The following CACNA1C variants were observed in gnomAD, a reference collection of about 807,000 sequenced individuals.
CACNA1C encodes calcium voltage-gated channel subunit alpha1 C, also known as voltage-dependent L-type calcium channel subunit alpha-1C.
CACNA1C carries 30 observed loss-of-function variants against 229.0 expected under a neutral mutation model. The ratio of observed to expected loss-of-function variants is 0.13; its 90% confidence interval spans 0.10 to 0.18. CACNA1C has a LOEUF of 0.18. Ranked by LOEUF, CACNA1C falls within the 10% of genes least tolerant of loss-of-function variation. The probability of loss-of-function intolerance (pLI) is 1.00; values close to 1 mark genes in which losing one functional copy is unlikely to be tolerated. For missense variants in CACNA1C, 1,658 were observed against 2,845.0 expected (o/e 0.58, Z 9.49); for synonymous variants, 1,114 against 1,132.5 (o/e 0.98, Z 0.33).
rs531485158 is a variant in CACNA1C at position 2,279,027 on chromosome 12, G to A, written c.477+158597G>A. On this transcript the variant is annotated intron_variant, in intron 3 of 46. Transcript: ENST00000399655. ...TCTTTCCTGTGGTTATTGGCCACTC[G>A]TATATTTTTTGGTGAAGTATCTGTT... 3.9e-5 allele frequency among the ~76,000 whole-genome samples: 6 copies of A among 152,240 alleles called. No individual in the cohort carries two copies. The East Asian group carries it at 5.8e-4, about 15-fold the overall frequency.
intron 3 of CACNA1C, among the ~76,000 whole-genome samples, chr12:2,304,391 G>GACAGCAGCA (rs2094839243): frequency 6.6e-6 from 1 of 152,178 alleles, no homozygotes; most frequent in Admixed American, 6.5e-5. Flanking sequence ...TCACAGCAGC[G>GACAGCAGCA]ACAGCAGCAA....
In CACNA1C at chr12:2,585,645, G is replaced by C; in HGVS notation, c.2460+149G>C. Reference sequence around the variant, plus strand: ...CAGTGGGGATGAACAGGAGAGCTGGGAGGGGGAAGATAAGGCAGATTGGCT... The same window carrying C: ...CAGTGGGGATGAACAGGAGAGCTGGCAGGGGGAAGATAAGGCAGATTGGCT... On this transcript the variant is annotated intron_variant, in intron 17 of 46. Coordinates refer to ENST00000399655, the MANE Select transcript of CACNA1C (RefSeq NM_000719.7). This position sits in a 1 kb window ranked among gnomAD's most constrained non-coding sequence, Gnocchi z 4.1. 1.9e-6 allele frequency: 2 copies of C among 1,062,808 alleles called. No individual in the cohort carries two copies. Among genetic ancestry groups the C allele is most frequent in the Non-Finnish European group, 2.7e-6 (2 of 735,474 alleles). 65.8% of individuals were successfully genotyped at this position (1,062,808 alleles called of 1,614,324 possible).
At chr12:2,021,964 G>C (rs1419870604) in intron 1 of CACNA1C, among the ~76,000 whole-genome samples, 1 of 152,154 alleles carries the variant, frequency 6.6e-6, no homozygotes, top group African/African-American at 2.4e-5. Context: ...AGTACAGCAG[G>C]TCTTTGAATA....
intron 3 of CACNA1C, among the ~76,000 whole-genome samples, chr12:2,442,032 G>GA (rs2099233332): frequency 6.6e-6 from 1 of 152,174 alleles, no homozygotes; most frequent in African/African-American, 2.4e-5. Context: ...AATAGACCCA[G>GA]AGAAGTAGAG....
Position 2,678,911 on chromosome 12 carries a change from C to T in CACNA1C, c.5092-533C>T, listed in dbSNP as rs1161461237. Reference sequence around the variant, plus strand: ...CTGGTTTTAAATCTCTCTGAGTCCCCGAGGGGAAAAAGACCATCATGCAGG... The same window carrying T: ...CTGGTTTTAAATCTCTCTGAGTCCCTGAGGGGAAAAAGACCATCATGCAGG... On this transcript the variant is annotated intron_variant, in intron 41 of 46. Transcript: ENST00000399655. The surrounding 1 kb of genome is among the most constrained non-coding windows in gnomAD (Gnocchi z 4.1). 1.3e-5 allele frequency among the ~76,000 whole-genome samples: 2 copies of T among 152,194 alleles called. No homozygotes were observed. The highest frequency in any genetic ancestry group is 6.5e-5 in the Admixed American group (1 of 15,286).
intron 34 of CACNA1C, among the ~76,000 whole-genome samples, chr12:2,662,717 C>T (rs1159175938): frequency 1.3e-5 from 2 of 152,212 alleles, no homozygotes; most frequent in Non-Finnish European, 2.9e-5. Flanking sequence ...GACTCCTGCA[C>T]TGTGAGAGGG....
chr12:2,407,165 C>T (rs566567426), intron 3 of CACNA1C, among the ~76,000 whole-genome samples: 19 of 152,314 alleles, frequency 1.2e-4, no homozygotes, highest in African/African-American at 3.8e-4. Flanking sequence ...AATGTCCTGG[C>T]GCTCCCTTAG....
chr12:2,542,281 A>G (rs2099872429), intron 9 of CACNA1C, among the ~76,000 whole-genome samples: 1 of 152,210 alleles, frequency 6.6e-6, no homozygotes, highest in Non-Finnish European at 1.5e-5. Context: ...AATGAGACCC[A>G]ATTTCTTTTT....
At chr12:2,490,586 G>A (rs1414913286) in intron 6 of CACNA1C, among the ~76,000 whole-genome samples, 1 of 152,170 alleles carries the variant, frequency 6.6e-6, no homozygotes, top group Non-Finnish European at 1.5e-5. Flanking sequence ...CATAATTAAT[G>A]ATCTAATTGG....
intron 9 of CACNA1C, among the ~76,000 whole-genome samples, chr12:2,541,710 A>G (rs1442300942): frequency 6.6e-6 from 1 of 152,216 alleles, no homozygotes; most frequent in Non-Finnish European, 1.5e-5. Flanking sequence ...GTTCCGGAAT[A>G]CACACTGGGC....
chr12:2,490,056 T>A (rs2099711744), intron 6 of CACNA1C, among the ~76,000 whole-genome samples: 1 of 152,262 alleles, frequency 6.6e-6, no homozygotes, highest in Non-Finnish European at 1.5e-5. Context: ...CTTTAGCGCT[T>A]TTTATAGATA....
intron 3 of CACNA1C, among the ~76,000 whole-genome samples, chr12:2,446,847 A>AATGG (rs2099297581): frequency 7.0e-6 from 1 of 142,206 alleles, no homozygotes; most frequent in African/African-American, 2.6e-5. Flanking sequence ...TGGATGGATG[A>AATGG]ATGGATGAAT....
intron 1 of CACNA1C, among the ~76,000 whole-genome samples, chr12:2,097,814 G>A (rs998396809): frequency 6.6e-6 from 1 of 152,222 alleles, no homozygotes; most frequent in African/African-American, 2.4e-5. Flanking sequence ...CGGGGTGGCT[G>A]CTGGGCTGCA....
chr12:2,667,441 G>A (rs887827023), intron 37 of CACNA1C, among the ~76,000 whole-genome samples: 11 of 152,176 alleles, frequency 7.2e-5, no homozygotes, highest in South Asian at 6.2e-4. Context: ...ATCCACTCAT[G>A]GAAAACGCAG....
intron 3 of CACNA1C, among the ~76,000 whole-genome samples, chr12:2,154,721 C>T (rs906909251): frequency 3.9e-5 from 6 of 152,314 alleles, no homozygotes; most frequent in African/African-American, 4.8e-5. Context: ...CTGCTGCCTA[C>T]GCTGCCTCCT....
At chr12:2,057,026 C>T (rs2055261696) in intron 1 of CACNA1C, among the ~76,000 whole-genome samples, 1 of 152,170 alleles carries the variant, frequency 6.6e-6, no homozygotes, top group South Asian at 2.1e-4. Flanking sequence ...ATTTCTTCTT[C>T]ATAGTAAAGG....
intron 3 of CACNA1C, among the ~76,000 whole-genome samples, chr12:2,230,692 C>T (rs918956995): frequency 1.3e-5 from 2 of 152,308 alleles, no homozygotes; most frequent in East Asian, 1.9e-4. Flanking sequence ...TTGGGTTGTG[C>T]GGGACTTTAT....
At chr12:2,641,605 T>A in intron 30 of CACNA1C, 76 of 581,008 alleles carry the variant, frequency 1.3e-4, no homozygotes, top group Non-Finnish European at 1.7e-4. Context: ...ACAAACCTAA[T>A]GCTACCAAGA....
chr12:2,284,246 A>T (rs990114310), intron 3 of CACNA1C, among the ~76,000 whole-genome samples: 13 of 150,868 alleles, frequency 8.6e-5, no homozygotes, highest in Non-Finnish European at 1.8e-4. Context: ...TTTTTTGTGA[A>T]TATTTTACCC....
Sources: allele counts gnomAD v4.1 joint callset (sites outside exome capture counted in the v4.1 genomes callset), GRCh38; gene constraint gnomAD v4.1.1; non-coding constraint Gnocchi (gnomAD v3.1); transcripts MANE v1.5; gene names NCBI Gene and HGNC (gene_info 2026-07-23, HGNC 2026-07-21).